The following COL23A1 variants were observed in gnomAD, a reference collection of about 807,000 sequenced individuals.
COL23A1 encodes the protein collagen type XXIII alpha 1 chain.
Under a neutral mutation model 99.3 loss-of-function variants are expected in COL23A1, and 97 were observed. The observed-to-expected ratio is 0.98, with a 90% CI of 0.83 to 1.16. The LOEUF is 1.16. Ranked by LOEUF, COL23A1 falls within the 50% of genes most tolerant of loss-of-function variation. The pLI is 0.00. For missense variants in COL23A1, 762 were observed against 757.4 expected (o/e 1.01, Z -0.07); for synonymous variants, 320 against 308.2 (o/e 1.04, Z -0.40).
intron 2 of COL23A1, among the ~76,000 whole-genome samples, chr5:178,422,567 C>T (rs1765692417): frequency 6.6e-6 from 1 of 152,164 alleles, no homozygotes; most frequent in African/African-American, 2.4e-5. Flanking sequence ...CTGCACGTCC[C>T]TGAGCCACAG....
chr5:178,246,010 G>T (rs768570721), intron 24 of COL23A1, 42 bp from the exon 25 acceptor site: 1 of 1,611,512 alleles, frequency 6.2e-7, no homozygotes, highest in South Asian at 1.1e-5. Flanking sequence ...TTGGGGAGGG[G>T]TGCTGGGAGC....
rs377216409 is a variant in COL23A1, at chr5:178,270,379, G to C, written c.442-16C>G. 1.1e-5 allele frequency: 17 copies of C among 1,613,882 alleles called. No individual in the cohort carries two copies. In the African/African-American group the frequency reaches 1.7e-4, roughly 16 times the overall value. ...CCAGGGGTCCCTGGAAAACGAGAGAGAGAGAACACAGGTTACACACGGGGA... is the reference window on the plus strand; with the variant it reads ...CCAGGGGTCCCTGGAAAACGAGAGACAGAGAACACAGGTTACACACGGGGA... On this transcript the variant is annotated splice_polypyrimidine_tract_variant and intron_variant, in intron 5 of 28. Coordinates refer to ENST00000390654, the MANE Select transcript of COL23A1 (RefSeq NM_173465.4).
intron 2 of COL23A1, among the ~76,000 whole-genome samples, chr5:178,338,586 TG>T (rs763005749): frequency 8.0e-6 from 1 of 125,056 alleles, no homozygotes; most frequent in Non-Finnish European, 1.8e-5. Flanking sequence ...CCTGGGTCAC[TG>T]GCCAGCACCG....
intron 2 of COL23A1, among the ~76,000 whole-genome samples, chr5:178,373,455 G>A (rs978321909): frequency 2.0e-5 from 3 of 151,576 alleles, no homozygotes; most frequent in African/African-American, 7.3e-5. Flanking sequence ...TCCCTCTGTT[G>A]CCCAAGGCTG....
chr5:178,428,813 G>T lies in COL23A1; in HGVS notation c.362-121894C>A, dbSNP rs182607761. Among the ~76,000 whole-genome samples, 22 of 152,308 alleles carry T rather than the reference G, an allele frequency of 1.4e-4. No individual in the cohort carries two copies. Among genetic ancestry groups the T allele is most frequent in the Non-Finnish European group, 2.9e-4 (20 of 68,024 alleles). On this transcript the variant is annotated intron_variant, in intron 2 of 28. Transcript: ENST00000390654. The surrounding 1 kb of genome is among the most constrained non-coding windows in gnomAD (Gnocchi z 5.0). ...TTAACTGCTCATCTGCCCAGATGGGGGCTGTGCAAGCAGGGTCTGCAAGCA... is the reference window on the plus strand; with the variant it reads ...TTAACTGCTCATCTGCCCAGATGGGTGCTGTGCAAGCAGGGTCTGCAAGCA...
At chr5:178,287,476 C>T (rs1475687742) in intron 5 of COL23A1, among the ~76,000 whole-genome samples, 1 of 152,246 alleles carries the variant, frequency 6.6e-6, no homozygotes, top group Admixed American at 6.5e-5. Context: ...CTTAAGGTCA[C>T]TCAGCCGAGA....
intron 20 of COL23A1, 123 bp from the exon 21 acceptor site, chr5:178,247,954 G>T: frequency 2.2e-6 from 2 of 893,468 alleles, no homozygotes; most frequent in Non-Finnish European, 3.4e-6. Context: ...GCAGAGTCTG[G>T]TGAGCAGGTG....
chr5:178,448,514 C>T (rs575843762), intron 2 of COL23A1, among the ~76,000 whole-genome samples: 9 of 152,350 alleles, frequency 5.9e-5, no homozygotes, highest in South Asian at 4.1e-4. Flanking sequence ...TTATTTGGCT[C>T]ATAGTTCTGG....
rs532772105 is a variant in COL23A1, at chr5:178,358,099, A to G, written c.362-51180T>C. ...ATGTGTATGTACGTGTGTAGGTCTAATGTGTGTGTATGTGTATGTGTACGT... is the reference window on the plus strand; with the variant it reads ...ATGTGTATGTACGTGTGTAGGTCTAGTGTGTGTGTATGTGTATGTGTACGT... On this transcript the variant is annotated intron_variant, in intron 2 of 28. Coordinates refer to ENST00000390654, the MANE Select transcript of COL23A1 (RefSeq NM_173465.4). Among the ~76,000 whole-genome samples the G allele has an allele frequency of 6.1e-3, 840 of 138,786 alleles. 5 individuals carry two copies. Among genetic ancestry groups the G allele is most frequent in the African/African-American group, 0.022 (798 of 36,578 alleles). The allele number at this position is 138,786 out of a possible 152,430, so 91.0% of individuals were successfully genotyped here.
intron 25 of COL23A1, among the ~76,000 whole-genome samples, chr5:178,244,946 C>T (rs1311133962): frequency 6.8e-6 from 1 of 147,812 alleles, no homozygotes; most frequent in Admixed American, 6.7e-5. Context: ...TCCATCCATC[C>T]CTCCACTGCC....
chr5:178,552,865 C>T (rs1762073789), intron 2 of COL23A1, among the ~76,000 whole-genome samples: 1 of 152,010 alleles, frequency 6.6e-6, no homozygotes, highest in South Asian at 2.1e-4. Context: ...AGGCGCGTGC[C>T]ACCACACCTG....
intron 11 of COL23A1, among the ~76,000 whole-genome samples, chr5:178,260,044 C>G (rs1038868237): frequency 1.3e-5 from 2 of 152,252 alleles, no homozygotes; most frequent in Non-Finnish European, 2.9e-5. Flanking sequence ...AGCTCTTTCC[C>G]ATCCTTCCTC....
intron 2 of COL23A1, among the ~76,000 whole-genome samples, chr5:178,458,330 T>C (rs1222729704): frequency 6.6e-6 from 1 of 151,504 alleles, no homozygotes; most frequent in African/African-American, 2.4e-5. Context: ...TGTAGAAGTA[T>C]TCCAGATAAT....
chr5:178,323,473 T>C (rs533656665), intron 2 of COL23A1, among the ~76,000 whole-genome samples: 1 of 152,208 alleles, frequency 6.6e-6, no homozygotes, highest in South Asian at 2.1e-4. Context: ...ACACAAGCAG[T>C]CCCTTTCATT....
chr5:178,239,095 C>A, intron 28 of COL23A1, 46 bp downstream of exon 28: 2 of 1,601,636 alleles, frequency 1.2e-6, no homozygotes, highest in Non-Finnish European at 1.7e-6. Context: ...CCCCCACCCT[C>A]CCCTGCCTCT....
intron 2 of COL23A1, among the ~76,000 whole-genome samples, chr5:178,358,076 G>A (rs1346783510): frequency 4.8e-5 from 7 of 145,980 alleles, no homozygotes. Context: ...TTGTGTGTAT[G>A]TGTATGTACG....
chr5:178,269,975 C>T (rs778221714), intron 6 of COL23A1, among the ~76,000 whole-genome samples: 3 of 152,214 alleles, frequency 2.0e-5, no homozygotes, highest in South Asian at 2.1e-4. Context: ...GTCTTGAGAA[C>T]GTAGTGAGGA....
chr5:178,518,462 A>C lies in COL23A1; in HGVS notation c.361+42220T>G, dbSNP rs537613335. Among the ~76,000 whole-genome samples the C allele has an allele frequency of 5.4e-5, 8 of 147,814 alleles. No individual in the cohort carries two copies. In the East Asian group the frequency reaches 1.0e-3, roughly 19 times the overall value. ...CGGGCAGAGGGGCTCCTCACTTCCC[A>C]GTAGGGGCGGCCGGGCAGAGGCGCC... On this transcript the variant is annotated intron_variant, in intron 2 of 28. Coordinates refer to ENST00000390654, the MANE Select transcript of COL23A1 (RefSeq NM_173465.4).
At chr5:178,419,820 C>A (rs1488764057) in intron 2 of COL23A1, among the ~76,000 whole-genome samples, 1 of 152,240 alleles carries the variant, frequency 6.6e-6, no homozygotes. Context: ...CATCCTTCAA[C>A]CACTCATAGA....
Sources: gnomAD v4.1 joint callset for allele counts (sites outside exome capture counted in the v4.1 genomes callset) on GRCh38, gnomAD v4.1.1 for gene constraint, Gnocchi (gnomAD v3.1) non-coding constraint, MANE v1.5 for transcripts, NCBI Gene and HGNC (gene_info 2026-07-23, HGNC 2026-07-21) for gene names.